CNTNAP3B: variants seen among roughly 807,000 people sequenced by gnomAD.
CNTNAP3B encodes the protein contactin associated protein family member 3B.
CNTNAP3B carries 25 observed loss-of-function variants against 108.9 expected under a neutral mutation model. The ratio of observed to expected loss-of-function variants is 0.23; its 90% CI spans 0.17 to 0.32. The LOEUF (loss-of-function observed/expected upper bound fraction) is 0.32. Among genes scored for constraint, CNTNAP3B ranks in the 10% least tolerant of loss-of-function variants. The pLI, the probability that CNTNAP3B is intolerant of heterozygous loss-of-function variation, is 1.00. For missense variants in CNTNAP3B, 252 were observed against 1,210.4 expected, an observed-to-expected ratio of 0.21 and a Z score of 11.75; for synonymous variants, 103 against 473.4, an observed-to-expected ratio of 0.22 and a Z score of 10.16.
intron 1 of CNTNAP3B, among the ~76,000 whole-genome samples, chr9:42,105,720 A>T (rs533885250): frequency 3.1e-4 from 31 of 98,696 alleles, no homozygotes; most frequent in Non-Finnish European, 4.7e-4. Context: ...CCGCAGTCCA[A>T]TCCTGTAATC....
intron 2 of CNTNAP3B, among the ~76,000 whole-genome samples, chr9:42,082,974 T>C (rs1167184387): frequency 7.2e-6 from 1 of 139,352 alleles, no homozygotes; most frequent in Non-Finnish European, 1.5e-5. Context: ...AAGGCTCAAA[T>C]AGCCTAAGTG....
intron 1 of CNTNAP3B, among the ~76,000 whole-genome samples, chr9:42,120,679 G>A (rs1301717768): frequency 1.5e-5 from 2 of 136,742 alleles, no homozygotes; most frequent in Non-Finnish European, 3.1e-5. Context: ...GTAGGGACAT[G>A]GGTGAAGCTG....
chr9:42,117,892 T>A (rs576141421), intron 1 of CNTNAP3B, among the ~76,000 whole-genome samples: 1 of 139,116 alleles, frequency 7.2e-6, no homozygotes. Flanking sequence ...GAGAATACTA[T>A]AACACCTCTA....
At chr9:42,127,025 C>T (rs1828586758) in intron 1 of CNTNAP3B, among the ~76,000 whole-genome samples, 1 of 138,720 alleles carries the variant, frequency 7.2e-6, no homozygotes, top group African/African-American at 2.9e-5. Context: ...TATTGACTTT[C>T]TTCTTGGTAT....
rs191198613 is a variant in CNTNAP3B at position 42,099,783 on chromosome 9, C to T, written c.196+4846G>A. Among the ~76,000 whole-genome samples, 4 of 96,296 alleles carry T rather than the reference C, an allele frequency of 4.2e-5. 1 individual carries two copies. The highest frequency in any genetic ancestry group is 9.6e-4 in the East Asian group (2 of 2,078). The allele number at this position is 96,296 out of a possible 152,430, so 63.2% of individuals were successfully genotyped here. ...CACAAATAACAATGCTGTCTAACTT[C>T]GTTAGACCATGAAAACACACGGGTT... On this transcript the variant is annotated intron_variant, in intron 2 of 23. Coordinates refer to ENST00000377561, the MANE Select transcript of CNTNAP3B (RefSeq NM_001201380.3).
chr9:41,945,145 G>A (rs1824487332), intron 13 of CNTNAP3B, among the ~76,000 whole-genome samples: 1 of 152,304 alleles, frequency 6.6e-6, no homozygotes, highest in African/African-American at 2.4e-5. Flanking sequence ...TGGAGAAATA[G>A]GAACACTTTT....
intron 9 of CNTNAP3B, among the ~76,000 whole-genome samples, chr9:41,977,560 G>C (rs1355394706): frequency 7.1e-6 from 1 of 140,466 alleles, no homozygotes; most frequent in African/African-American, 2.8e-5. Flanking sequence ...GACTGTTAGA[G>C]TTTAGAAAAT....
Position 42,112,522 on chromosome 9 carries a change from G to A in CNTNAP3B, c.86-7783C>T, listed in dbSNP as rs1429680061. ...ACCAGCTGATGAGTGTCTGGTTCCC[G>A]GGACATGACAGACAATTCCTAGAGT... is the stretch of plus-strand genomic sequence containing the variant. On this transcript the variant is annotated intron_variant, in intron 1 of 23. Coordinates refer to ENST00000377561, the MANE Select transcript of CNTNAP3B (RefSeq NM_001201380.3). 2.2e-4 allele frequency among the ~76,000 whole-genome samples: 31 copies of A among 138,582 alleles called. 5 individuals are homozygous for A. In the East Asian group the frequency reaches 3.5e-3, roughly 16 times the overall value. 90.9% of individuals were successfully genotyped at this position (138,582 alleles called of 152,430 possible). A position where few individuals can be genotyped will look rare whatever the true frequency, so the allele number is the denominator to read the frequency against.
chr9:41,928,656 A>G (rs1240511230), intron 15 of CNTNAP3B, among the ~76,000 whole-genome samples: 2 of 152,258 alleles, frequency 1.3e-5, no homozygotes, highest in African/African-American at 4.8e-5. Flanking sequence ...GGAAATAAAA[A>G]TACATTTAGT....
At chr9:42,116,118 C>A (rs1452744350) in intron 1 of CNTNAP3B, among the ~76,000 whole-genome samples, 2 of 138,978 alleles carry the variant, frequency 1.4e-5, no homozygotes, top group African/African-American at 5.7e-5. Context: ...GAAAGGGTAT[C>A]AGTGATTGAG....
rs529138155 is a variant in CNTNAP3B at position 42,035,980 on chromosome 9, T to C, written c.391-22455A>G. On this transcript the variant is annotated intron_variant, in intron 3 of 23. Transcript: ENST00000377561. ...AAAATTAGCTGGGCATGGTGGCGCA[T>C]GCCTGTAGTCCCAGCTACTCGGGAG... Among the ~76,000 whole-genome samples, 519 of 143,282 alleles carry C rather than the reference T, an allele frequency of 3.6e-3. 1 individual carries two copies. Among genetic ancestry groups the C allele is most frequent in the African/African-American group, 0.013 (489 of 36,962 alleles). The allele number at this position is 143,282 out of a possible 152,430, so 94.0% of individuals were successfully genotyped here.
At chr9:42,115,226 A>G (rs1828287787) in intron 1 of CNTNAP3B, among the ~76,000 whole-genome samples, 1 of 137,540 alleles carries the variant, frequency 7.3e-6, no homozygotes, top group South Asian at 2.4e-4. Flanking sequence ...TCTTTTGACA[A>G]AGCTCATAAG....
intron 14 of CNTNAP3B, among the ~76,000 whole-genome samples, chr9:41,931,371 T>C (rs1378460989): frequency 3.9e-5 from 6 of 152,332 alleles, no homozygotes; most frequent in Admixed American, 3.9e-4. Context: ...AATAAATTAC[T>C]GTTAACTATA....
chr9:42,098,770 C>G (rs1827963770), intron 2 of CNTNAP3B, among the ~76,000 whole-genome samples: 1 of 129,088 alleles, frequency 7.7e-6, no homozygotes, highest in Non-Finnish European at 1.6e-5. Flanking sequence ...CAATCAGGCA[C>G]AGATGGCTAT....
intron 15 of CNTNAP3B, among the ~76,000 whole-genome samples, chr9:41,924,591 G>A (rs1310800039): frequency 2.7e-5 from 4 of 150,782 alleles, no homozygotes; most frequent in Non-Finnish European, 5.9e-5. Flanking sequence ...TTTGAAGGAG[G>A]TAGTTGGAAA....
chr9:41,971,029 T>G (rs1274337910), intron 9 of CNTNAP3B, among the ~76,000 whole-genome samples: 1 of 150,870 alleles, frequency 6.6e-6, no homozygotes, highest in Admixed American at 6.6e-5. Flanking sequence ...AAGTTAAATA[T>G]TAAAAATTTC....
chr9:42,062,733 C>T (rs1771749124), intron 3 of CNTNAP3B, among the ~76,000 whole-genome samples: 1 of 97,004 alleles, frequency 1.0e-5, no homozygotes, highest in Admixed American at 1.1e-4. Context: ...CCTTCCTTCT[C>T]TTTCCATCTT....
intron 4 of CNTNAP3B, among the ~76,000 whole-genome samples, chr9:41,999,610 C>T (rs1825962331): frequency 9.0e-6 from 1 of 110,744 alleles, no homozygotes; most frequent in East Asian, 2.8e-4. Context: ...TCTGGAGAGC[C>T]CTGACTGACA....
At chr9:41,947,374 CT>C (rs1274121461) in intron 13 of CNTNAP3B, among the ~76,000 whole-genome samples, 4 of 152,234 alleles carry the variant, frequency 2.6e-5, no homozygotes, top group Non-Finnish European at 5.9e-5. Context: ...AAAAGAAAAT[CT>C]CTAAACACTT....
Sources: gnomAD v4.1 joint callset for allele counts (sites outside exome capture counted in the v4.1 genomes callset) on GRCh38, gnomAD v4.1.1 for gene constraint, MANE v1.5 for transcripts, NCBI Gene and HGNC (gene_info 2026-07-23, HGNC 2026-07-21) for gene names.